SUMF1: variants seen among roughly 807,000 people sequenced by gnomAD.
SUMF1 encodes formylglycine-generating enzyme.
SUMF1 carries 48 observed loss-of-function variants against 47.6 expected under a neutral mutation model. The ratio of observed to expected loss-of-function variants is 1.01; its 90% confidence interval spans 0.80 to 1.28. The LOEUF is 1.28. Among genes scored for constraint, SUMF1 ranks in the 50% most tolerant of loss-of-function variants. The pLI is 0.00. For synonymous variants in SUMF1, 230 were observed against 192.1 expected (o/e 1.20, Z -1.63); for missense variants, 571 against 485.4 (o/e 1.18, Z -1.66).
intron 8 of SUMF1, among the ~76,000 whole-genome samples, chr3:4,362,635 A>C (rs905514280): frequency 6.6e-6 from 1 of 152,208 alleles, no homozygotes; most frequent in East Asian, 1.9e-4. Flanking sequence ...TAAAATGTTA[A>C]ATGAGGCCAG....
intron 8 of SUMF1, among the ~76,000 whole-genome samples, chr3:4,179,620 G>A (rs1695047945): frequency 6.6e-6 from 1 of 152,058 alleles, no homozygotes; most frequent in African/African-American, 2.4e-5. Flanking sequence ...TACCATTCAG[G>A]ACATAGGCAT....
intron 8 of SUMF1, among the ~76,000 whole-genome samples, chr3:4,077,057 G>A (rs1235842107): frequency 9.9e-5 from 15 of 152,064 alleles, no homozygotes; most frequent in Admixed American, 9.2e-4. Context: ...ATGAAAAAAT[G>A]CTCATCATCA....
At chr3:4,328,563 C>T (rs192314424) in intron 8 of SUMF1, among the ~76,000 whole-genome samples, 208 of 152,250 alleles carry the variant, frequency 1.4e-3, no homozygotes, top group South Asian at 2.3e-3. Context: ...TTCACTACCA[C>T]GAGAACAGTA....
At chr3:4,070,867 A>G (rs977911246) in intron 8 of SUMF1, among the ~76,000 whole-genome samples, 1 of 151,996 alleles carries the variant, frequency 6.6e-6, no homozygotes, top group African/African-American at 2.4e-5. Flanking sequence ...TCTTGACCTC[A>G]TGATCCACCC....
At chr3:4,430,654 G>A (rs187465576) in intron 3 of SUMF1, among the ~76,000 whole-genome samples, 5 of 152,112 alleles carry the variant, frequency 3.3e-5, no homozygotes, top group South Asian at 2.1e-4. Flanking sequence ...GCTAGCCCCC[G>A]GGGATACAGA....
At chr3:4,240,003 C>A (rs1178697316) in intron 8 of SUMF1, among the ~76,000 whole-genome samples, 1 of 151,966 alleles carries the variant, frequency 6.6e-6, no homozygotes, top group African/African-American at 2.4e-5. Flanking sequence ...GTTGAAGGCC[C>A]TTTCTCCATC....
chr3:4,200,604 C>G (rs1695520041), intron 8 of SUMF1, among the ~76,000 whole-genome samples: 2 of 152,046 alleles, frequency 1.3e-5, no homozygotes, highest in South Asian at 4.1e-4. Context: ...GGACTTGGAC[C>G]AAGCCATGCT....
intron 8 of SUMF1, among the ~76,000 whole-genome samples, chr3:4,170,976 T>A (rs187179804): frequency 6.6e-6 from 1 of 152,314 alleles, no homozygotes; most frequent in East Asian, 1.9e-4. Context: ...AAGGTGGCAA[T>A]GTAGTGCTCT....
chr3:4,391,009 T>C (rs1700844634), intron 7 of SUMF1, among the ~76,000 whole-genome samples: 1 of 152,338 alleles, frequency 6.6e-6, no homozygotes, highest in African/African-American at 2.4e-5. Flanking sequence ...ACCTTCATTT[T>C]TGAAGGATTG....
chr3:4,398,049 A>G (rs899131581), intron 7 of SUMF1, among the ~76,000 whole-genome samples: 17 of 152,176 alleles, frequency 1.1e-4, no homozygotes, highest in Admixed American at 3.9e-4. Flanking sequence ...AACTTGCTCC[A>G]GGTTATTCAG....
At chr3:4,405,938 G>C (rs529155154) in intron 7 of SUMF1, among the ~76,000 whole-genome samples, 1 of 152,172 alleles carries the variant, frequency 6.6e-6, no homozygotes, top group African/African-American at 2.4e-5. Context: ...GAGAGAATGA[G>C]TATGTGATAA....
chr3:4,123,222 T>C (rs531353334), intron 8 of SUMF1, among the ~76,000 whole-genome samples: 74 of 152,162 alleles, frequency 4.9e-4, no homozygotes, highest in African/African-American at 1.8e-3. Context: ...AGGAGTAATA[T>C]GTTAGTTGAG....
intron 3 of SUMF1, among the ~76,000 whole-genome samples, chr3:4,425,439 A>C (rs1376090077): frequency 1.3e-5 from 2 of 152,218 alleles, no homozygotes; most frequent in Non-Finnish European, 2.9e-5. Context: ...ATATTCTCTT[A>C]GAGCTTTCAG....
At chr3:4,463,482 T>G (rs1352112532) in intron 1 of SUMF1, among the ~76,000 whole-genome samples, 1 of 152,114 alleles carries the variant, frequency 6.6e-6, no homozygotes, top group African/African-American at 2.4e-5. Context: ...AGAGCGAGAC[T>G]CCGTCTCAAA....
intron 6 of SUMF1, among the ~76,000 whole-genome samples, chr3:4,412,381 C>A (rs567077675): frequency 4.6e-5 from 7 of 152,260 alleles, no homozygotes; most frequent in Admixed American, 4.6e-4. Flanking sequence ...TTCTCCTTTA[C>A]AAAAGTAGAG....
intron 8 of SUMF1, among the ~76,000 whole-genome samples, chr3:4,226,326 G>A (rs1696174713): frequency 1.6e-5 from 2 of 128,030 alleles, no homozygotes; most frequent in Admixed American, 1.9e-4. Context: ...CTGGAGTGCA[G>A]TAGCATGATC....
chr3:4,322,998 G>A (rs139201500), intron 8 of SUMF1, among the ~76,000 whole-genome samples: 19 of 152,114 alleles, frequency 1.2e-4, no homozygotes, highest in East Asian at 7.7e-4. Context: ...TTCATTAGCC[G>A]ATGAATGAAT....
chr3:4,041,209 C>A (rs1694902224), intron 9 of SUMF1, among the ~76,000 whole-genome samples: 1 of 152,146 alleles, frequency 6.6e-6, no homozygotes, highest in Non-Finnish European at 1.5e-5. Flanking sequence ...GTAGCTGGGA[C>A]TACAGGCACA....
At chr3:4,449,566 A>G (rs941373432) in intron 2 of SUMF1, among the ~76,000 whole-genome samples, 6 of 152,232 alleles carry the variant, frequency 3.9e-5, no homozygotes, top group African/African-American at 1.2e-4. Context: ...TTAGCTGATA[A>G]GAATGCAGAC....
Sources: allele counts gnomAD v4.1 joint callset (sites outside exome capture counted in the v4.1 genomes callset), GRCh38; gene constraint gnomAD v4.1.1; transcripts MANE v1.5; gene names NCBI Gene and HGNC (gene_info 2026-07-23, HGNC 2026-07-21).